The following LYZL4 variants were observed in gnomAD, a reference collection of about 807,000 sequenced individuals.
LYZL4 encodes the protein lysozyme-like protein 4.
LYZL4 carries 13 observed loss-of-function variants against 17.6 expected under a neutral mutation model. The ratio of observed to expected loss-of-function variants is 0.74; its 90% CI spans 0.48 to 1.18. LYZL4 has a LOEUF of 1.18. Ranked by LOEUF, LYZL4 falls within the 50% of genes most tolerant of loss-of-function variation. The pLI, the probability that LYZL4 is intolerant of heterozygous loss-of-function variation, is 0.00. For synonymous variants in LYZL4, 64 were observed against 67.7 expected, an observed-to-expected ratio of 0.95 and a Z score of 0.27; for missense variants, 174 against 188.2, an observed-to-expected ratio of 0.92 and a Z score of 0.44.
In LYZL4 at chr3:42,407,308, A is replaced by C; in HGVS notation, c.-57T>G. On this transcript the variant is annotated 5_prime_UTR_variant, in exon 2 of 5. Coordinates refer to ENST00000287748, the MANE Select transcript of LYZL4 (RefSeq NM_144634.4). ...GGTGGCCAGATGAGTGGGTGGAGTCACAGGGACACTGGTTCTCTGAAGGGA... is the reference window on the plus strand; with the variant it reads ...GGTGGCCAGATGAGTGGGTGGAGTCCCAGGGACACTGGTTCTCTGAAGGGA... 3 of 1,610,668 alleles carry C rather than the reference A, an allele frequency of 1.9e-6. No individual in the cohort carries two copies. Among genetic ancestry groups the C allele is most frequent in the Non-Finnish European group, 2.5e-6 (3 of 1,178,632 alleles).
chr3:42,373,065 G>T, the LYZL4 span, among the ~76,000 whole-genome samples: 1 of 152,084 alleles, frequency 6.6e-6, no homozygotes, highest in Non-Finnish European at 1.5e-5. Flanking sequence ...AAAAATTTTA[G>T]CAGGGCATGG....
chr3:42,384,542 A>C, the LYZL4 span, among the ~76,000 whole-genome samples: 1 of 152,262 alleles, frequency 6.6e-6, no homozygotes, highest in African/African-American at 2.4e-5. Flanking sequence ...GAATCTGAAC[A>C]TCCTGAGAGG....
chr3:42,382,041 C>T, the LYZL4 span, among the ~76,000 whole-genome samples: 1 of 152,174 alleles, frequency 6.6e-6, no homozygotes, highest in Non-Finnish European at 1.5e-5. Context: ...ACAGAGCAGG[C>T]CAATTCTAGA....
the LYZL4 span, among the ~76,000 whole-genome samples, chr3:42,367,187 C>T: frequency 6.6e-6 from 1 of 152,186 alleles, no homozygotes; most frequent in African/African-American, 2.4e-5. Context: ...CACACATACC[C>T]TAGAAGACAG....
At chr3:42,378,620 G>C in the LYZL4 span, among the ~76,000 whole-genome samples, 1 of 152,156 alleles carries the variant, frequency 6.6e-6, no homozygotes, top group Non-Finnish European at 1.5e-5. Context: ...AGCACCCCAG[G>C]CTGGGGTTAG....
At chr3:42,384,633 G>C in the LYZL4 span, among the ~76,000 whole-genome samples, 1 of 152,192 alleles carries the variant, frequency 6.6e-6, no homozygotes, top group Non-Finnish European at 1.5e-5. Context: ...CAAAAACAAT[G>C]CTTCGCTAAA....
downstream of LYZL4, among the ~76,000 whole-genome samples, chr3:42,392,154 G>A (rs186341629): frequency 2.4e-4 from 37 of 152,296 alleles, no homozygotes; most frequent in African/African-American, 8.4e-4. Context: ...TTACAGGCAT[G>A]AGCCACTGCA....
chr3:42,364,867 C>T, the LYZL4 span, among the ~76,000 whole-genome samples: 1 of 152,164 alleles, frequency 6.6e-6, no homozygotes, highest in East Asian at 1.9e-4. Flanking sequence ...TAATAAGCTG[C>T]CTAAGTCTAA....
the LYZL4 span, among the ~76,000 whole-genome samples, chr3:42,363,203 T>C: frequency 6.6e-6 from 1 of 152,168 alleles, no homozygotes; most frequent in African/African-American, 2.4e-5. Flanking sequence ...ACCATTGTAA[T>C]ACATGAAACT....
chr3:42,380,579 T>C, the LYZL4 span, among the ~76,000 whole-genome samples: 1 of 152,086 alleles, frequency 6.6e-6, no homozygotes, highest in Non-Finnish European at 1.5e-5. Flanking sequence ...TCCCTCAGAG[T>C]TTCTGATTCA....
chr3:42,391,872 C>T, the LYZL4 span, among the ~76,000 whole-genome samples: 4 of 150,588 alleles, frequency 2.7e-5, no homozygotes, highest in African/African-American at 5.0e-5. Context: ...TATCACTTCT[C>T]TCTCTTTTTC....
the LYZL4 span, among the ~76,000 whole-genome samples, chr3:42,361,686 C>T: frequency 1.3e-5 from 2 of 151,882 alleles, no homozygotes; most frequent in Non-Finnish European, 2.9e-5. Flanking sequence ...GCTGTGATCA[C>T]GCCACTGCAC....
At chr3:42,402,651 G>A (rs1394957784) in intron 4 of LYZL4, among the ~76,000 whole-genome samples, 1 of 152,202 alleles carries the variant, frequency 6.6e-6, no homozygotes, top group South Asian at 2.1e-4. Context: ...CAACTGAAAT[G>A]CATAATTTCT....
At chr3:42,364,341 C>CGT in the LYZL4 span, among the ~76,000 whole-genome samples, 1 of 119,892 alleles carries the variant, frequency 8.3e-6, no homozygotes, top group South Asian at 2.7e-4. Context: ...TTTTTCTTTT[C>CGT]TTTTTTTTTT....
At chr3:42,369,165 A>G in the LYZL4 span, among the ~76,000 whole-genome samples, 14,395 of 152,296 alleles carry the variant, frequency 0.095, 2,302 homozygotes, top group African/African-American at 0.33. Context: ...AAAGCTATGT[A>G]ATTAGAAGTT....
At chr3:42,376,611 G>C in the LYZL4 span, among the ~76,000 whole-genome samples, 3 of 152,228 alleles carry the variant, frequency 2.0e-5, no homozygotes, top group Admixed American at 6.5e-5. Flanking sequence ...CTGAGGGCCA[G>C]ACCCCAACGA....
At chr3:42,372,637 G>A in the LYZL4 span, among the ~76,000 whole-genome samples, 1 of 152,224 alleles carries the variant, frequency 6.6e-6, no homozygotes, top group African/African-American at 2.4e-5. Flanking sequence ...GGAAGTTGAG[G>A]TATTTATCCA....
chr3:42,375,080 G>A, the LYZL4 span, among the ~76,000 whole-genome samples: 4 of 152,160 alleles, frequency 2.6e-5, no homozygotes, highest in African/African-American at 9.6e-5. Flanking sequence ...CAAAGTGCTG[G>A]GATTACAGGT....
the LYZL4 span, among the ~76,000 whole-genome samples, chr3:42,391,508 T>A: frequency 6.6e-6 from 1 of 152,198 alleles, no homozygotes; most frequent in East Asian, 1.9e-4. Context: ...TGATCAATCA[T>A]GTCAAATGCT....
Sources: allele counts gnomAD v4.1 joint callset (sites outside exome capture counted in the v4.1 genomes callset), GRCh38; gene constraint gnomAD v4.1.1; transcripts MANE v1.5; gene names NCBI Gene and HGNC (gene_info 2026-07-23, HGNC 2026-07-21).